The following IL1RAPL1 variants were observed in gnomAD, a reference collection of about 807,000 sequenced individuals.
IL1RAPL1 encodes the protein interleukin-1 receptor accessory protein-like 1.
A neutral mutation model predicts 48.4 loss-of-function variants in IL1RAPL1; 3 were observed. The observed-to-expected ratio is 0.06, with a 90% CI of 0.03 to 0.16. The LOEUF (loss-of-function observed/expected upper bound fraction) is 0.16. IL1RAPL1 is among the 10% of genes least tolerant of loss of function. IL1RAPL1 has a pLI of 1.00. For synonymous variants in IL1RAPL1, 185 were observed against 187.7 expected, an observed-to-expected ratio of 0.99 and a Z score of 0.12; for missense variants, 349 against 530.6, an observed-to-expected ratio of 0.66 and a Z score of 3.36.
chrX:29,456,816 G>A (rs905016014), intron 5 of IL1RAPL1, among the ~76,000 whole-genome samples: 5 of 111,343 alleles, frequency 4.5e-5, no homozygotes, highest in East Asian at 5.7e-4. Flanking sequence ...TTGAAATTGC[G>A]TTTTTAAATT....
At chrX:29,914,972 G>A (rs1050328579) in intron 6 of IL1RAPL1, among the ~76,000 whole-genome samples, 7 of 112,251 alleles carry the variant, frequency 6.2e-5, no homozygotes, top group Non-Finnish European at 1.3e-4. Flanking sequence ...TTCTGGACTT[G>A]CCTTATCTGG....
At chrX:29,044,524 GT>G (rs141083434) in intron 2 of IL1RAPL1, among the ~76,000 whole-genome samples, 3 of 110,420 alleles carry the variant, frequency 2.7e-5, no homozygotes, top group East Asian at 2.8e-4. Context: ...TCATTGCTCT[GT>G]TTTTTTTAAT....
At chrX:29,760,492 T>A (rs932537333) in intron 6 of IL1RAPL1, among the ~76,000 whole-genome samples, 2 of 112,001 alleles carry the variant, frequency 1.8e-5, no homozygotes, top group Non-Finnish European at 3.8e-5. Flanking sequence ...TTGTTAATAG[T>A]CTGCCAGTGA....
intron 2 of IL1RAPL1, among the ~76,000 whole-genome samples, chrX:28,831,070 G>C (rs1258913701): frequency 2.2e-5 from 2 of 90,678 alleles, no homozygotes; most frequent in Non-Finnish European, 4.2e-5. Context: ...GTGTGTGTGT[G>C]TGTGTGTCTG....
At chrX:29,269,596 TAG>T (rs1224683621) in intron 2 of IL1RAPL1, among the ~76,000 whole-genome samples, 1 of 109,459 alleles carries the variant, frequency 9.1e-6, no homozygotes, top group East Asian at 2.9e-4. Context: ...CTCTGGAAAG[TAG>T]AGTTTAAGGT....
chrX:28,897,164 G>T (rs1373042017), intron 2 of IL1RAPL1, among the ~76,000 whole-genome samples: 2 of 109,293 alleles, frequency 1.8e-5, no homozygotes, highest in South Asian at 8.1e-4. Context: ...GGGGTTGGGG[G>T]GGTTCTTGCC....
At chrX:28,634,794 AC>A (rs1934445732) in intron 1 of IL1RAPL1, among the ~76,000 whole-genome samples, 1 of 109,249 alleles carries the variant, frequency 9.2e-6, no homozygotes, top group African/African-American at 3.3e-5. Context: ...TTGGACTCAA[AC>A]TTTCTGAAAT....
chrX:28,625,383 C>CAGAT (rs1172935585), intron 1 of IL1RAPL1, among the ~76,000 whole-genome samples: 1 of 111,983 alleles, frequency 8.9e-6, no homozygotes, highest in Non-Finnish European at 1.9e-5. Flanking sequence ...AGCAGATCAG[C>CAGAT]CACCTACTGG....
chrX:29,447,891 G>A (rs939910345), intron 5 of IL1RAPL1, among the ~76,000 whole-genome samples: 1 of 112,191 alleles, frequency 8.9e-6, no homozygotes, highest in Non-Finnish European at 1.9e-5. Flanking sequence ...TACTTGAACA[G>A]TTAGGGTAGA....
intron 5 of IL1RAPL1, among the ~76,000 whole-genome samples, chrX:29,487,011 G>A (rs11797729): frequency 0.075 from 8,232 of 109,108 alleles, 472 homozygotes; most frequent in African/African-American, 0.19. Context: ...CCAGGTGATG[G>A]CAACAATGCT....
At chrX:28,690,531 A>G (rs1396332036) in intron 1 of IL1RAPL1, among the ~76,000 whole-genome samples, 6 of 111,350 alleles carry the variant, frequency 5.4e-5, no homozygotes, top group African/African-American at 2.0e-4. Context: ...TGTACTGCCT[A>G]TTTACATCTG....
chrX:29,224,317 G>A (rs1931038918), intron 2 of IL1RAPL1, among the ~76,000 whole-genome samples: 1 of 110,841 alleles, frequency 9.0e-6, no homozygotes, highest in African/African-American at 3.3e-5. Flanking sequence ...TCTGACTACC[G>A]GCTCCAAGCA....
chrX:29,827,190 C>T (rs150127256), intron 6 of IL1RAPL1, among the ~76,000 whole-genome samples: 34 of 112,103 alleles, frequency 3.0e-4, no homozygotes, highest in African/African-American at 1.1e-3. Flanking sequence ...CTACTTGTTC[C>T]TGGACCACAC....
intron 5 of IL1RAPL1, among the ~76,000 whole-genome samples, chrX:29,451,212 G>T (rs1411484044): frequency 9.6e-6 from 1 of 104,261 alleles, no homozygotes; most frequent in East Asian, 2.9e-4. Context: ...TTTTGAGAAG[G>T]AGTCTTACTC....
rs767983468 is a variant in IL1RAPL1 at position 29,364,446 on chromosome X, C to T, written c.363-31812C>T. On this transcript the variant is annotated intron_variant, in intron 3 of 10. Transcript: ENST00000378993. Reference sequence around the variant, plus strand: ...GGCATGGTGGTGGGCACCTGTAATCCCAGCTACTCGGGAGGCTTAGGCAGG... The same window carrying T: ...GGCATGGTGGTGGGCACCTGTAATCTCAGCTACTCGGGAGGCTTAGGCAGG... 3.7e-5 allele frequency among the ~76,000 whole-genome samples: 4 copies of T among 108,585 alleles called. No homozygotes were observed. In the South Asian group the frequency reaches 1.7e-3, roughly 45 times the overall value. 94.3% of individuals were successfully genotyped at this position (108,585 alleles called of 115,157 possible).
At chrX:29,667,927 A>G (rs1219850005) in intron 5 of IL1RAPL1, among the ~76,000 whole-genome samples, 2 of 112,006 alleles carry the variant, frequency 1.8e-5, no homozygotes, top group South Asian at 3.7e-4. Flanking sequence ...TTATGTATGT[A>G]GGAAATACTT....
intron 6 of IL1RAPL1, among the ~76,000 whole-genome samples, chrX:29,785,230 A>G (rs1414597312): frequency 8.9e-6 from 1 of 112,323 alleles, no homozygotes; most frequent in Non-Finnish European, 1.9e-5. Context: ...AAGAATAGAT[A>G]ATAAACACAT....
At chrX:29,345,340 A>G (rs1043845988) in intron 3 of IL1RAPL1, among the ~76,000 whole-genome samples, 5 of 111,888 alleles carry the variant, frequency 4.5e-5, no homozygotes, top group African/African-American at 1.6e-4. Flanking sequence ...CACTGAGAAG[A>G]GAAAATGCTA....
chrX:28,721,286 C>T (rs1381708294), intron 1 of IL1RAPL1, among the ~76,000 whole-genome samples: 2 of 112,019 alleles, frequency 1.8e-5, no homozygotes, highest in South Asian at 3.8e-4. Context: ...GATCGCCATT[C>T]TAACTGGTGT....
Sources: gnomAD v4.1 joint callset for allele counts (sites outside exome capture counted in the v4.1 genomes callset) on GRCh38, gnomAD v4.1.1 for gene constraint, MANE v1.5 for transcripts, NCBI Gene and HGNC (gene_info 2026-07-23, HGNC 2026-07-21) for gene names.